USP22: variants seen among roughly 807,000 people sequenced by gnomAD.
USP22 encodes the protein ubiquitin specific peptidase 22, also known as ubiquitin carboxyl-terminal hydrolase 22.
In USP22, 22 loss-of-function variants were observed where a neutral mutation model predicts 68.1. That is an observed-to-expected ratio of 0.32 (90% CI 0.23 to 0.46). USP22 has a LOEUF of 0.46. Ranked by LOEUF, USP22 falls within the 20% of genes least tolerant of loss-of-function variation. USP22 has a pLI of 1.00. For missense variants in USP22, 433 were observed against 695.8 expected (o/e 0.62, Z 4.25); for synonymous variants, 279 against 274.2 (o/e 1.02, Z -0.17).
At chr17:21,039,370 G>A (rs1441945737) in intron 1 of USP22, among the ~76,000 whole-genome samples, 2 of 151,468 alleles carry the variant, frequency 1.3e-5, no homozygotes, top group Non-Finnish European at 2.9e-5. Flanking sequence ...CTGAGGTTGG[G>A]AGTTCGAGAC....
intron 1 of USP22, among the ~76,000 whole-genome samples, chr17:21,036,211 T>A (rs941800206): frequency 2.0e-5 from 3 of 149,564 alleles, no homozygotes; most frequent in Non-Finnish European, 4.4e-5. Flanking sequence ...TTGTGGAGAG[T>A]TAGAAGGTGA....
At position 21,001,872 on chromosome 17, in the gene USP22, TTC is replaced by T. The variant is rs1238778707; in HGVS notation, c.*1157_*1158del. ...AAGAAACAATGCACATCCTTCTACT[TTC>T]TCTTTCAGCTCTGCTGACAAGCTCA... On this transcript the variant is annotated 3_prime_UTR_variant, in exon 13 of 13. Coordinates refer to ENST00000261497, the MANE Select transcript of USP22 (RefSeq NM_015276.2). The T allele has an allele frequency of 5.3e-5, 8 of 152,260 alleles. No individual in the cohort carries two copies. Among genetic ancestry groups the T allele is most frequent in the Admixed American group, 2.0e-4 (3 of 15,284 alleles). The allele number at this position is 152,260 out of a possible 1,614,324, so 9.4% of individuals were successfully genotyped here.
At chr17:21,031,705 G>C (rs1248236505) in intron 1 of USP22, among the ~76,000 whole-genome samples, 1 of 148,468 alleles carries the variant, frequency 6.7e-6, no homozygotes, top group Non-Finnish European at 1.5e-5. Context: ...ACACAACCTA[G>C]GACTGTGCTA....
rs9903260 is a variant in USP22, at chr17:21,037,599, C to T, written c.171+5066G>A. Among the ~76,000 whole-genome samples the T allele has an allele frequency of 1.4e-3, 214 of 152,334 alleles. 1 individual carries two copies. The highest frequency in any genetic ancestry group is 5.0e-3 in the African/African-American group (206 of 41,574). ...TACATGACCGGGACTCCTCAAAACT[C>T]TCAAGGTCACCAAACAGGACAGCCT... is the stretch of plus-strand genomic sequence containing the variant. On this transcript the variant is annotated intron_variant, in intron 1 of 12. Transcript: ENST00000261497.
chr17:21,030,286 T>G (rs1214192676), intron 1 of USP22, among the ~76,000 whole-genome samples: 1 of 152,224 alleles, frequency 6.6e-6, no homozygotes, highest in African/African-American at 2.4e-5. Context: ...ACATGTTCAG[T>G]ACTGATGCAC....
chr17:21,011,591 T>C, intron 7 of USP22: 1 of 393,924 alleles, frequency 2.5e-6, no homozygotes, highest in Non-Finnish European at 4.7e-6. Flanking sequence ...CTGAGGGACT[T>C]GGGAGGAGGA....
upstream of USP22, chr17:21,043,049 C>G (rs1053336052): frequency 1.2e-5 from 3 of 257,426 alleles, no homozygotes; most frequent in African/African-American, 6.9e-5. Context: ...CTGCGGACCG[C>G]CTGCGCTGCG....
intron 4 of USP22, chr17:21,018,317 T>TCC (rs1380683290): frequency 2.7e-5 from 13 of 477,872 alleles, no homozygotes; most frequent in Middle Eastern, 5.4e-4. Flanking sequence ...CATGGACCCC[T>TCC]CCCACTTCAG....
chr17:21,039,335 T>G (rs1253373299), intron 1 of USP22, among the ~76,000 whole-genome samples: 1 of 151,812 alleles, frequency 6.6e-6, no homozygotes, highest in African/African-American at 2.4e-5. Flanking sequence ...CCCAGCACTT[T>G]GGGAGGCCAA....
At chr17:21,023,541 A>ACTT (rs1396289018) in intron 2 of USP22, among the ~76,000 whole-genome samples, 1 of 150,614 alleles carries the variant, frequency 6.6e-6, no homozygotes, top group African/African-American at 2.5e-5. Flanking sequence ...GCTACTCAAG[A>ACTT]GGCTTAGGTG....
chr17:21,042,565 C>A, intron 1 of USP22, 100 bp downstream of exon 1: 2 of 1,172,168 alleles, frequency 1.7e-6, no homozygotes, highest in East Asian at 3.2e-5. Flanking sequence ...GGAAAGGCAA[C>A]GGGGGAAGGG....
At chr17:21,040,079 A>C (rs1019969291) in intron 1 of USP22, among the ~76,000 whole-genome samples, 14 of 152,138 alleles carry the variant, frequency 9.2e-5, no homozygotes, top group Non-Finnish European at 2.1e-4. Context: ...AGTCCCAGCT[A>C]CTCAGGAGAG....
At chr17:21,021,071 G>A in intron 3 of USP22, 42 bp downstream of exon 3, 1 of 1,489,834 alleles carries the variant, frequency 6.7e-7, no homozygotes, top group Non-Finnish European at 9.4e-7. Context: ...TGGACATGAG[G>A]GAACTGCAGG....
chr17:21,022,798 CAA>C (rs574597364), intron 2 of USP22, among the ~76,000 whole-genome samples: 1 of 127,652 alleles, frequency 7.8e-6, no homozygotes. Flanking sequence ...GACTCCGTCT[CAA>C]AAAAAAAAAA....
chr17:21,009,827 C>T (rs975076280), intron 8 of USP22, among the ~76,000 whole-genome samples: 4 of 152,036 alleles, frequency 2.6e-5, no homozygotes, highest in Non-Finnish European at 4.4e-5. Context: ...TGGTAGCAAG[C>T]ACCTGTAATC....
intron 1 of USP22, among the ~76,000 whole-genome samples, chr17:21,031,228 T>C (rs1972286982): frequency 6.6e-6 from 1 of 152,236 alleles, no homozygotes; most frequent in Non-Finnish European, 1.5e-5. Context: ...CAAGGACTTT[T>C]GTAGCATTAT....
chr17:21,024,483 C>T (rs1597697024), intron 2 of USP22, among the ~76,000 whole-genome samples: 1 of 152,170 alleles, frequency 6.6e-6, no homozygotes, highest in South Asian at 2.1e-4. Flanking sequence ...GCTGCTGGGA[C>T]AACTGAATAT....
Position 21,028,168 on chromosome 17 carries a change from C to T in USP22, c.304+374G>A, listed in dbSNP as rs955348735. Among the ~76,000 whole-genome samples the T allele has an allele frequency of 2.6e-5, 4 of 152,158 alleles. No individual in the cohort carries two copies. The South Asian group carries it at 8.3e-4, about 32-fold the overall frequency. On this transcript the variant is annotated intron_variant, in intron 2 of 12. Transcript: ENST00000261497. ...ATAAAATCACCTATGCCCACCCAACCCCACGCCAGCCTCAGCGACCTCATA... is the reference window on the plus strand; with the variant it reads ...ATAAAATCACCTATGCCCACCCAACTCCACGCCAGCCTCAGCGACCTCATA...
Position 21,025,871 on chromosome 17 carries a change from G to A in USP22, c.304+2671C>T, listed in dbSNP as rs144450278. On this transcript the variant is annotated intron_variant, in intron 2 of 12. Transcript: ENST00000261497. ...CAACAGGCAGTGATCTGTTAACGAC[G>A]CATTCCTCTGTGGTGCAAAAAAGTT... Among the ~76,000 whole-genome samples the A allele has an allele frequency of 2.3e-4, 35 of 152,324 alleles. No individual in the cohort carries two copies. The East Asian group carries it at 5.0e-3, about 22-fold the overall frequency.
Sources: allele counts gnomAD v4.1 joint callset (sites outside exome capture counted in the v4.1 genomes callset), GRCh38; gene constraint gnomAD v4.1.1; transcripts MANE v1.5; gene names NCBI Gene and HGNC (gene_info 2026-07-23, HGNC 2026-07-21).